IL26: variants seen among roughly 807,000 people sequenced by gnomAD.
The protein encoded by IL26 is interleukin-26.
IL26 carries 23 observed loss-of-function variants against 21.7 expected under a neutral mutation model. The ratio of observed to expected loss-of-function variants is 1.06; its 90% CI spans 0.76 to 1.50. The LOEUF (loss-of-function observed/expected upper bound fraction) is 1.50, where lower values mean the gene tolerates loss of function less well. Ranked by LOEUF, IL26 falls within the 40% of genes most tolerant of loss-of-function variation. The pLI, the probability that IL26 is intolerant of heterozygous loss-of-function variation, is 0.00. For synonymous variants in IL26, 63 were observed against 67.8 expected, an observed-to-expected ratio of 0.93 and a Z score of 0.34; for missense variants, 204 against 196.0, an observed-to-expected ratio of 1.04 and a Z score of -0.24.
At chr12:68,210,499 C>A (rs866149322) in intron 3 of IL26, among the ~76,000 whole-genome samples, 3 of 151,330 alleles carry the variant, frequency 2.0e-5, no homozygotes, top group East Asian at 2.0e-4. Context: ...ATTAGATTTA[C>A]AAGCAAGTTT....
At chr12:68,213,913 C>G (rs1378261759) in intron 3 of IL26, among the ~76,000 whole-genome samples, 4 of 151,858 alleles carry the variant, frequency 2.6e-5, no homozygotes, top group African/African-American at 7.2e-5. Context: ...TTGGTTTGTT[C>G]TTACTTTCCC....
intron 3 of IL26, among the ~76,000 whole-genome samples, chr12:68,224,539 A>G (rs572271340): frequency 4.8e-4 from 73 of 152,072 alleles, no homozygotes; most frequent in Admixed American, 9.2e-4. Flanking sequence ...TTAAAAACAT[A>G]AGTAAATAAG....
At chr12:68,214,307 G>A (rs1194896890) in intron 3 of IL26, among the ~76,000 whole-genome samples, 2 of 152,190 alleles carry the variant, frequency 1.3e-5, no homozygotes, top group African/African-American at 4.8e-5. Flanking sequence ...ATGTGCTGAT[G>A]AAAAGAATGT....
rs922603257 is a variant in IL26 at position 68,225,052 on chromosome 12, C to T, written c.363+97G>A. On this transcript the variant is annotated intron_variant, in intron 3 of 4. Coordinates refer to ENST00000229134, the MANE Select transcript of IL26 (RefSeq NM_018402.2). ...ACTACAAGCCAACAATTACAAAGCT[C>T]GTTTTACTCACCCTTTGGTGTGAGA... 11 of 1,265,728 alleles carry T rather than the reference C, an allele frequency of 8.7e-6. No homozygotes were observed. The African/African-American group carries it at 9.1e-5, about 10-fold the overall frequency. 78.4% of individuals were successfully genotyped at this position (1,265,728 alleles called of 1,614,324 possible).
At chr12:68,201,987 G>A in intron 4 of IL26, 31 bp downstream of exon 4, 1 of 1,544,600 alleles carries the variant, frequency 6.5e-7, no homozygotes, top group Non-Finnish European at 8.8e-7. Flanking sequence ...AAAAAACAAA[G>A]TTTTTTAATA....
At position 68,225,265 on chromosome 12, in the gene IL26, C is replaced by T; in HGVS notation, c.247G>A (p.Glu83Lys). ...KQFMKNCQFQ[E>K]QLLSFFMEDV... ...TCCATGAAGAAGGACAGAAGCTGTT[C>T]TTGAAATTGACAGTTTTTCTAAAAA... The change falls in exon 3 of 5, where the codon GAA becomes AAA. Residue 83 changes from glutamate (E) to lysine (K), a missense_variant. By Grantham distance (56) the Glu-to-Lys change is moderately conservative (BLOSUM62 1). Transcript: ENST00000229134. The T allele has an allele frequency of 6.2e-7, 1 of 1,603,842 alleles. No individual in the cohort carries two copies. Among genetic ancestry groups the T allele is most frequent in the South Asian group, 1.1e-5 (1 of 88,438 alleles).
chr12:68,225,658 G>C lies in IL26; in HGVS notation c.99C>G (p.Tyr33Ter), dbSNP rs1869225446. The change falls in exon 1 of 5, where the codon TAC (tyrosine) becomes TAG (stop). Residue 33 changes from tyrosine (Y) to a stop codon, truncating the protein, a stop_gained. Transcript: ENST00000229134. LOFTEE classifies it high-confidence loss of function. ...HKQSSFTKSC[Y>*]PRGTLSQAVD... ...CAGCTTGGGACAATGTTCCCCTTGG[G>C]TAACAACTTTTGGTGAAGGAAGATT... 6.2e-7 allele frequency: 1 copy of C among 1,613,982 alleles called. No individual in the cohort carries two copies. The highest frequency in any genetic ancestry group is 8.5e-7 in the Non-Finnish European group (1 of 1,179,972).
At chr12:68,223,871 C>G (rs1869134171) in intron 3 of IL26, among the ~76,000 whole-genome samples, 1 of 125,660 alleles carries the variant, frequency 8.0e-6, no homozygotes, top group Non-Finnish European at 1.7e-5. Context: ...AAATAGAGAA[C>G]TTAAATTTGG....
Position 68,209,483 on chromosome 12 carries a change from G to A in IL26, c.364-7400C>T, listed in dbSNP as rs143248419. ...ACAATCGATCCTGGGAGAGCAAGGA[G>A]CCGACAAGTCTAGACACATTCCAGA... On this transcript the variant is annotated intron_variant, in intron 3 of 4. Coordinates refer to ENST00000229134, the MANE Select transcript of IL26 (RefSeq NM_018402.2). Among the ~76,000 whole-genome samples, 4 of 152,306 alleles carry A rather than the reference G, an allele frequency of 2.6e-5. No individual in the cohort carries two copies. The East Asian group carries it at 7.7e-4, about 29-fold the overall frequency.
At chr12:68,202,125 G>T (rs369610089) in intron 3 of IL26, 42 bp from the exon 4 acceptor site, 48 of 1,246,846 alleles carry the variant, frequency 3.8e-5, no homozygotes, top group Non-Finnish European at 5.2e-5. Flanking sequence ...TGTTGAAGAG[G>T]CATTAATGAT....
chr12:68,214,156 G>C (rs549116603), intron 3 of IL26, among the ~76,000 whole-genome samples: 2 of 151,978 alleles, frequency 1.3e-5, no homozygotes, highest in Non-Finnish European at 2.9e-5. Flanking sequence ...ATGAGTTTTC[G>C]TAGTTTCCAA....
intron 3 of IL26, among the ~76,000 whole-genome samples, chr12:68,210,676 A>G (rs1021390816): frequency 2.6e-5 from 4 of 152,166 alleles, no homozygotes; most frequent in South Asian, 4.1e-4. Context: ...TATATTCTCT[A>G]TAACTACAAA....
At chr12:68,207,456 G>C (rs576982798) in intron 3 of IL26, among the ~76,000 whole-genome samples, 16 of 152,306 alleles carry the variant, frequency 1.1e-4, no homozygotes, top group African/African-American at 3.8e-4. Context: ...CTCACATGAA[G>C]ATAATTAACA....
intron 3 of IL26, among the ~76,000 whole-genome samples, chr12:68,219,348 G>A (rs577564988): frequency 5.0e-4 from 76 of 151,890 alleles, no homozygotes; most frequent in South Asian, 3.7e-3. Context: ...TGGCCAAAAT[G>A]ATATCAAATT....
chr12:68,207,252 T>G (rs1336577269), intron 3 of IL26, among the ~76,000 whole-genome samples: 1 of 152,234 alleles, frequency 6.6e-6, no homozygotes, highest in Non-Finnish European at 1.5e-5. Context: ...GTGGTACATA[T>G]CAAGCAGTTC....
chr12:68,211,549 C>A (rs1868730949), intron 3 of IL26, among the ~76,000 whole-genome samples: 1 of 152,202 alleles, frequency 6.6e-6, no homozygotes. Context: ...TCCCCTTTCT[C>A]TACCTCCTTC....
intron 3 of IL26, among the ~76,000 whole-genome samples, chr12:68,217,025 TAAAC>T: frequency 6.6e-6 from 1 of 152,220 alleles, no homozygotes; most frequent in East Asian, 1.9e-4. Flanking sequence ...TCTTCTTACA[TAAAC>T]AATTTTCCAA....
rs1046885756 is a variant in IL26, at chr12:68,201,837, G to C, written c.*8C>G. 24 of 1,547,312 alleles carry C rather than the reference G, an allele frequency of 1.6e-5. No individual in the cohort carries two copies. Among genetic ancestry groups the C allele is most frequent in the Non-Finnish European group, 2.1e-5 (24 of 1,137,992 alleles). On this transcript the variant is annotated 3_prime_UTR_variant, in exon 5 of 5. Transcript: ENST00000229134. ...AATAACTGTAAAATCAATGTACTTG[G>C]CTTTGGTTTACTGACTGCTTTCCAA...
chr12:68,214,754 A>T (rs1420028975), intron 3 of IL26, among the ~76,000 whole-genome samples: 5 of 152,126 alleles, frequency 3.3e-5, no homozygotes, highest in African/African-American at 1.2e-4. Context: ...TATAGGTGGC[A>T]TATTGTTTGG....
Sources: allele counts gnomAD v4.1 joint callset (sites outside exome capture counted in the v4.1 genomes callset), GRCh38; gene constraint gnomAD v4.1.1; transcripts MANE v1.5; gene names NCBI Gene and HGNC (gene_info 2026-07-23, HGNC 2026-07-21).